MRPL33: variants seen among roughly 807,000 people sequenced by gnomAD.
MRPL33 encodes the protein mitochondrial ribosomal protein L33.
A neutral mutation model predicts 10.1 loss-of-function variants in MRPL33; 5 were observed. That is an observed-to-expected ratio of 0.49 (90% CI 0.26 to 1.04). The LOEUF (loss-of-function observed/expected upper bound fraction) is 1.04. Among genes scored for constraint, MRPL33 ranks in the 50% least tolerant of loss-of-function variants. The pLI is 0.14. For synonymous variants in MRPL33, 24 were observed against 27.7 expected, an observed-to-expected ratio of 0.87 and a Z score of 0.42; for missense variants, 79 against 78.1, an observed-to-expected ratio of 1.01 and a Z score of -0.04.
At chr2:27,777,385 T>A (rs1435054674) in intron 3 of MRPL33, among the ~76,000 whole-genome samples, 1 of 151,134 alleles carries the variant, frequency 6.6e-6, no homozygotes, top group South Asian at 2.1e-4. Flanking sequence ...TTTTTTTTTT[T>A]TTTTTTTAAT....
intron 3 of MRPL33, among the ~76,000 whole-genome samples, chr2:27,777,250 A>T (rs1244114839): frequency 6.6e-6 from 1 of 151,076 alleles, no homozygotes; most frequent in African/African-American, 2.4e-5. Flanking sequence ...CTGGTCTGGA[A>T]CTCCTGGCCT....
At chr2:27,775,350 ATT>A (rs67199907) in intron 3 of MRPL33, among the ~76,000 whole-genome samples, 3 of 123,026 alleles carry the variant, frequency 2.4e-5, no homozygotes, top group African/African-American at 6.1e-5. Context: ...TTTATAATTA[ATT>A]TTTTTTTTTT....
chr2:27,771,934 C>T, intron 1 of MRPL33, 135 bp downstream of exon 1: 1 of 916,736 alleles, frequency 1.1e-6, no homozygotes, highest in Non-Finnish European at 1.6e-6. Context: ...TCCAGGCCTT[C>T]AGGACCACAG....
In MRPL33 at chr2:27,773,244, CAG is replaced by C. The variant is rs775454544; in HGVS notation, c.41+554_41+555del. 5.3e-5 allele frequency among the ~76,000 whole-genome samples: 8 copies of C among 152,272 alleles called. No individual in the cohort carries two copies. In the East Asian group the frequency reaches 1.2e-3, roughly 22 times the overall value. ...TCAAAATAAATGTTGTAGACAATAA[CAG>C]AAGATTTTGTGGTAAAAATAGGGAG... On this transcript the variant is annotated intron_variant, in intron 2 of 3. Coordinates refer to ENST00000296102, the MANE Select transcript of MRPL33 (RefSeq NM_004891.4).
rs1677238301 is a variant in MRPL33, at chr2:27,779,565, A to G, written c.*83A>G. Reference sequence around the variant, plus strand: ...ATTCAGAAATCCTGTAGCGTGTAATAAAAGAAGAGGAAATGGCATGGAATC... The same window carrying G: ...ATTCAGAAATCCTGTAGCGTGTAATGAAAGAAGAGGAAATGGCATGGAATC... On this transcript the variant is annotated 3_prime_UTR_variant, in exon 4 of 4. Coordinates refer to ENST00000296102, the MANE Select transcript of MRPL33 (RefSeq NM_004891.4). The G allele has an allele frequency of 1.3e-6, 2 of 1,594,424 alleles. No individual in the cohort carries two copies. Among genetic ancestry groups the G allele is most frequent in the East Asian group, 4.5e-5 (2 of 44,728 alleles).
At position 27,771,816 on chromosome 2, in the gene MRPL33, ACGC is replaced by A. The variant is rs768698058; in HGVS notation, c.22+20_22+22del. The A allele has an allele frequency of 3.7e-6, 6 of 1,612,652 alleles. No individual in the cohort carries two copies. Among genetic ancestry groups the A allele is most frequent in the Non-Finnish European group, 5.1e-6 (6 of 1,179,026 alleles). On this transcript the variant is annotated intron_variant, in intron 1 of 3. Transcript: ENST00000296102. ...CGGTCTTCTGTAAGTGGGGCTGGAG[ACGC>A]CGGTAGGGGTTACGGCGAGGGTTAG...
intron 1 of MRPL33, 167 bp downstream of exon 1, chr2:27,771,966 C>T: frequency 1.4e-6 from 1 of 709,590 alleles, no homozygotes; most frequent in Non-Finnish European, 2.3e-6. Flanking sequence ...CCCCGCGGCG[C>T]GCCTCCCTGC....
intron 3 of MRPL33, among the ~76,000 whole-genome samples, chr2:27,778,211 G>C (rs1263577354): frequency 1.3e-5 from 2 of 152,170 alleles, no homozygotes; most frequent in African/African-American, 4.8e-5. Flanking sequence ...GTGGAGGTGA[G>C]AATGGACTTA....
chr2:27,776,672 A>C (rs1206757788), intron 3 of MRPL33, among the ~76,000 whole-genome samples: 1 of 152,272 alleles, frequency 6.6e-6, no homozygotes, highest in Non-Finnish European at 1.5e-5. Flanking sequence ...AGAGAATGAA[A>C]ACTTGTCAGT....
Position 27,771,798 on chromosome 2 carries a change from C to T in MRPL33, c.21C>T (p.Phe7=), listed in dbSNP as rs1315412497. The change falls in exon 1 of 4, where the codon TTC becomes TTT. Residue 7 remains phenylalanine, a splice_region_variant and synonymous_variant. Transcript: ENST00000296102. ...TCACCATGTTCCTCTCCGCGGTCTT[C>T]TGTAAGTGGGGCTGGAGACGCCGGT... is the stretch of plus-strand genomic sequence containing the variant. MFLSAV[F]FAKSKSKNIL... The T allele has an allele frequency of 6.2e-7, 1 of 1,613,724 alleles. No individual in the cohort carries two copies. The highest frequency in any genetic ancestry group is 2.2e-5 in the East Asian group (1 of 44,872).
intron 2 of MRPL33, chr2:27,772,910 C>G (rs1177606589): frequency 3.8e-6 from 2 of 526,126 alleles, no homozygotes; most frequent in East Asian, 6.6e-5. Context: ...CATTGAAATA[C>G]TTGAAGGAAC....
intron 1 of MRPL33, 142 bp downstream of exon 1, chr2:27,771,941 A>G: frequency 2.3e-6 from 2 of 886,300 alleles, no homozygotes; most frequent in Non-Finnish European, 1.7e-6. Flanking sequence ...CTTCAGGACC[A>G]CAGCGTCCGG....
intron 3 of MRPL33, among the ~76,000 whole-genome samples, chr2:27,778,312 C>A (rs987834459): frequency 6.6e-6 from 1 of 152,116 alleles, no homozygotes; most frequent in African/African-American, 2.4e-5. Flanking sequence ...GCTAAAATGT[C>A]TGTATGATAG....
intron 3 of MRPL33, among the ~76,000 whole-genome samples, chr2:27,777,927 T>C (rs1193593998): frequency 6.6e-6 from 1 of 152,218 alleles, no homozygotes; most frequent in Non-Finnish European, 1.5e-5. Flanking sequence ...TGTCGTAATA[T>C]AGATGAGAAA....
chr2:27,774,406 C>T lies in MRPL33; in HGVS notation c.42-18C>T, dbSNP rs772900305. 2.5e-6 allele frequency: 4 copies of T among 1,601,354 alleles called. No individual in the cohort carries two copies. Among genetic ancestry groups the T allele is most frequent in the East Asian group, 4.5e-5 (2 of 44,832 alleles). On this transcript the variant is annotated intron_variant, in intron 2 of 3. Coordinates refer to ENST00000296102, the MANE Select transcript of MRPL33 (RefSeq NM_004891.4). ...TATTTCGTCAGCTCGTACATAACAGCGTACTTTTTAATCTTAGAAACATTC... is the reference window on the plus strand; with the variant it reads ...TATTTCGTCAGCTCGTACATAACAGTGTACTTTTTAATCTTAGAAACATTC...
rs978116628 is a variant in MRPL33, at chr2:27,777,859, G to A, written c.149-1574G>A. Among the ~76,000 whole-genome samples, 34 of 151,826 alleles carry A rather than the reference G, an allele frequency of 2.2e-4. 1 individual carries two copies. Among genetic ancestry groups the A allele is most frequent in the Non-Finnish European group, 2.1e-4 (14 of 67,980 alleles). On this transcript the variant is annotated intron_variant, in intron 3 of 3. Coordinates refer to ENST00000296102, the MANE Select transcript of MRPL33 (RefSeq NM_004891.4). ...CAGTGAGACAACCCCCCTACCCCCCGCCTTTTTTTAAACCAAGTTTTTAGT... is the reference window on the plus strand; with the variant it reads ...CAGTGAGACAACCCCCCTACCCCCCACCTTTTTTTAAACCAAGTTTTTAGT...
At chr2:27,771,826 G>A in intron 1 of MRPL33, 27 bp downstream of exon 1, 1 of 1,610,764 alleles carries the variant, frequency 6.2e-7, no homozygotes, top group Non-Finnish European at 8.5e-7. Flanking sequence ...ACGCCGGTAG[G>A]GGTTACGGCG....
At chr2:27,774,648 G>T (rs966105007) in intron 3 of MRPL33, 118 bp downstream of exon 3, 1 of 735,384 alleles carries the variant, frequency 1.4e-6, no homozygotes, top group East Asian at 2.6e-5. Context: ...TAGTAAATAG[G>T]TATTGAATGA....
chr2:27,777,647 C>T (rs1340383751), intron 3 of MRPL33, among the ~76,000 whole-genome samples: 2 of 152,152 alleles, frequency 1.3e-5, no homozygotes, highest in African/African-American at 4.8e-5. Flanking sequence ...ATCAGGGAGT[C>T]TTCTTACACT....
Sources: allele counts gnomAD v4.1 joint callset (sites outside exome capture counted in the v4.1 genomes callset), GRCh38; gene constraint gnomAD v4.1.1; transcripts MANE v1.5; gene names NCBI Gene and HGNC (gene_info 2026-07-23, HGNC 2026-07-21).